KLF8: variants seen among roughly 807,000 people sequenced by gnomAD.
KLF8 encodes Krueppel-like factor 8.
In KLF8, 10 loss-of-function variants were observed where a neutral mutation model predicts 18.2. That is an observed-to-expected ratio of 0.55 (90% CI 0.34 to 0.93). The LOEUF (loss-of-function observed/expected upper bound fraction) is 0.93, where lower values mean the gene tolerates loss of function less well. KLF8 is among the 40% of genes least tolerant of loss of function. KLF8 has a pLI of 0.02. For synonymous variants in KLF8, 109 were observed against 97.3 expected, an observed-to-expected ratio of 1.12 and a Z score of -0.71; for missense variants, 264 against 277.9, an observed-to-expected ratio of 0.95 and a Z score of 0.36.
the KLF8 span, among the ~76,000 whole-genome samples, chrX:56,056,962 T>C: frequency 9.0e-6 from 1 of 111,421 alleles, no homozygotes; most frequent in South Asian, 3.8e-4. Context: ...AAGAATCTGT[T>C]CGTTTTTGCA....
chrX:56,156,827 T>G, the KLF8 span, among the ~76,000 whole-genome samples: 1 of 106,128 alleles, frequency 9.4e-6, no homozygotes, highest in Non-Finnish European at 1.9e-5. Context: ...TTTAGTTTTT[T>G]GTCCTTGTGA....
chrX:55,936,855 G>C, the KLF8 span, among the ~76,000 whole-genome samples: 8 of 41,135 alleles, frequency 1.9e-4, no homozygotes, highest in Non-Finnish European at 3.5e-4. Context: ...GCCGAGGCTT[G>C]AGTAGTAAAC....
the KLF8 span, among the ~76,000 whole-genome samples, chrX:56,174,272 C>A: frequency 8.9e-6 from 1 of 111,967 alleles, no homozygotes; most frequent in African/African-American, 3.2e-5. Flanking sequence ...TACGTCCCAT[C>A]AATACCTAAA....
chrX:56,068,565 G>A, the KLF8 span, among the ~76,000 whole-genome samples: 1 of 110,861 alleles, frequency 9.0e-6, no homozygotes, highest in Non-Finnish European at 1.9e-5. Context: ...CCACCCACTC[G>A]CACCACTGGC....
intron 3 of KLF8, chrX:56,268,752 C>T: frequency 1.3e-6 from 1 of 780,136 alleles, no homozygotes; most frequent in Non-Finnish European, 1.5e-6. Flanking sequence ...ATCTAGGAGA[C>T]TGTTGACCAC....
At chrX:56,054,755 C>A in the KLF8 span, among the ~76,000 whole-genome samples, 4 of 111,729 alleles carry the variant, frequency 3.6e-5, no homozygotes, top group Non-Finnish European at 5.6e-5. Flanking sequence ...TCTTGCTTTA[C>A]GGATCAGAGT....
the KLF8 span, among the ~76,000 whole-genome samples, chrX:56,033,039 A>G: frequency 9.0e-6 from 1 of 111,722 alleles, no homozygotes; most frequent in South Asian, 3.7e-4. Context: ...ATAATTCTAT[A>G]TATTTATGAG....
At chrX:56,117,298 C>G in the KLF8 span, among the ~76,000 whole-genome samples, 1 of 111,825 alleles carries the variant, frequency 8.9e-6, no homozygotes. Flanking sequence ...TTTTTGAAAT[C>G]AAATCTATTC....
chrX:56,253,764 C>CTTTCTTTTTTTTTTTTTTTTTTTTTTT (rs1555930256), intron 2 of KLF8, among the ~76,000 whole-genome samples: 1 of 60,115 alleles, frequency 1.7e-5, no homozygotes, highest in Non-Finnish European at 3.0e-5. Flanking sequence ...TTTTCTTTTT[C>CTTTCTTTTTTTTTTTTTTTTTTTTTTT]TTTTTTTTTT....
At chrX:56,194,604 C>T in the KLF8 span, among the ~76,000 whole-genome samples, 2 of 112,630 alleles carry the variant, frequency 1.8e-5, no homozygotes, top group African/African-American at 6.4e-5. Context: ...GTCCTACTGC[C>T]TCTAGACTCC....
chrX:56,188,018 G>T, the KLF8 span, among the ~76,000 whole-genome samples: 1 of 111,105 alleles, frequency 9.0e-6, no homozygotes, highest in Non-Finnish European at 1.9e-5. Flanking sequence ...TGGAAGTTCT[G>T]GCCAGGGCAA....
the KLF8 span, among the ~76,000 whole-genome samples, chrX:56,139,482 AC>A: frequency 1.8e-5 from 2 of 111,711 alleles, no homozygotes; most frequent in Admixed American, 9.5e-5. Context: ...AGAATGGAGA[AC>A]CCAGAAATAA....
chrX:55,985,861 T>C, the KLF8 span, among the ~76,000 whole-genome samples: 1 of 111,095 alleles, frequency 9.0e-6, no homozygotes, highest in Non-Finnish European at 1.9e-5. Flanking sequence ...CTTGTTAGCT[T>C]TATTCCTGGG....
chrX:56,180,187 C>A, the KLF8 span, among the ~76,000 whole-genome samples: 1 of 111,771 alleles, frequency 8.9e-6, no homozygotes, highest in Non-Finnish European at 1.9e-5. Context: ...TTGGTCTATT[C>A]AGCAATTCAA....
At chrX:56,136,948 ATG>A in the KLF8 span, among the ~76,000 whole-genome samples, 1 of 112,344 alleles carries the variant, frequency 8.9e-6, no homozygotes, top group Non-Finnish European at 1.9e-5. Flanking sequence ...GGCAAAGTAC[ATG>A]AACAGACACT....
intron 2 of KLF8, among the ~76,000 whole-genome samples, chrX:56,263,294 C>T (rs1404169120): frequency 9.0e-6 from 1 of 111,677 alleles, no homozygotes; most frequent in Admixed American, 9.5e-5. Flanking sequence ...AAATCATGTC[C>T]TGGAGGAGCA....
chrX:55,994,111 C>T, the KLF8 span, among the ~76,000 whole-genome samples: 8 of 109,758 alleles, frequency 7.3e-5, no homozygotes, highest in Admixed American at 9.8e-5. Flanking sequence ...AGGGTTTCAC[C>T]GCGTTAGCCA....
chrX:56,196,642 A>G, the KLF8 span, among the ~76,000 whole-genome samples: 1 of 111,421 alleles, frequency 9.0e-6, no homozygotes, highest in African/African-American at 3.3e-5. Flanking sequence ...CCACACAATA[A>G]TAATGGGAGA....
At chrX:56,047,564 C>T in the KLF8 span, among the ~76,000 whole-genome samples, 5 of 110,337 alleles carry the variant, frequency 4.5e-5, no homozygotes, top group South Asian at 3.9e-4. Flanking sequence ...TGGTTTCCAG[C>T]TTCATCCATG....
Sources: gnomAD v4.1 joint callset for allele counts (sites outside exome capture counted in the v4.1 genomes callset) on GRCh38, gnomAD v4.1.1 for gene constraint, MANE v1.5 for transcripts, NCBI Gene and HGNC (gene_info 2026-07-23, HGNC 2026-07-21) for gene names.